Variants in TMEM132C observed in about 807,000 individuals in gnomAD.
TMEM132C encodes protein phosphatase 1, regulatory subunit 152.
In TMEM132C, 29 loss-of-function variants were observed where a neutral mutation model predicts 61.4. The observed-to-expected ratio is 0.47, with a 90% CI of 0.35 to 0.64. The LOEUF is 0.64. TMEM132C is among the 30% of genes least tolerant of loss of function. The pLI is 0.00. For missense variants in TMEM132C, 1,408 were observed against 1,476.9 expected, an observed-to-expected ratio of 0.95 and a Z score of 0.76; for synonymous variants, 656 against 633.1, an observed-to-expected ratio of 1.04 and a Z score of -0.54.
intron 4 of TMEM132C, among the ~76,000 whole-genome samples, chr12:128,664,011 CGCATACACACAG>C (rs1381272375): frequency 5.4e-5 from 8 of 147,298 alleles, no homozygotes; most frequent in African/African-American, 2.0e-4. Flanking sequence ...CAGGCACACA[CGCATACACACAG>C]GCACACGCAC....
At chr12:128,659,843 T>C (rs1954367544) in intron 4 of TMEM132C, among the ~76,000 whole-genome samples, 2 of 152,214 alleles carry the variant, frequency 1.3e-5, no homozygotes, top group Non-Finnish European at 2.9e-5. Flanking sequence ...AGACAGGCCC[T>C]CAGGGCCACT....
At chr12:128,623,637 T>G (rs1216740297) in intron 4 of TMEM132C, among the ~76,000 whole-genome samples, 1 of 151,786 alleles carries the variant, frequency 6.6e-6, no homozygotes, top group Non-Finnish European at 1.5e-5. Context: ...TGAAACCCCA[T>G]CTCTACTAAA....
At position 128,706,393 on chromosome 12, in the gene TMEM132C, G is replaced by T; in HGVS notation, c.*98G>T. The T allele has an allele frequency of 7.2e-7, 1 of 1,396,418 alleles. No homozygotes were observed. The highest frequency in any genetic ancestry group is 1.5e-5 in the South Asian group (1 of 64,806). 86.5% of individuals were successfully genotyped at this position (1,396,418 alleles called of 1,614,324 possible). A position where few individuals can be genotyped will look rare whatever the true frequency, so the allele number is the denominator to read the frequency against. ...GTTGTCAGTGGGGTTAAGAAGGGAC[G>T]GTCCCAGGGTCCATGCTAGACCAGT... On this transcript the variant is annotated 3_prime_UTR_variant, in exon 9 of 9. Coordinates refer to ENST00000435159, the MANE Select transcript of TMEM132C (RefSeq NM_001136103.3).
chr12:128,634,759 A>T (rs1019728738), intron 4 of TMEM132C, among the ~76,000 whole-genome samples: 1 of 152,206 alleles, frequency 6.6e-6, no homozygotes, highest in African/African-American at 2.4e-5. Context: ...TCATTCCTTC[A>T]TTAGTTTTTC....
intron 3 of TMEM132C, among the ~76,000 whole-genome samples, chr12:128,566,998 T>C (rs1874725753): frequency 6.6e-6 from 1 of 152,212 alleles, no homozygotes; most frequent in Admixed American, 6.5e-5. Flanking sequence ...TGTGTTGCTT[T>C]TAGATGTTTC....
chr12:128,539,611 C>G (rs1873664447), intron 2 of TMEM132C, among the ~76,000 whole-genome samples: 1 of 152,120 alleles, frequency 6.6e-6, no homozygotes, highest in South Asian at 2.1e-4. Context: ...GAGCAAGACT[C>G]TGTCTCAAAA....
At chr12:128,423,344 A>T (rs1424893256) in intron 2 of TMEM132C, among the ~76,000 whole-genome samples, 2 of 152,112 alleles carry the variant, frequency 1.3e-5, no homozygotes, top group Non-Finnish European at 2.9e-5. Flanking sequence ...CAGTCATTTT[A>T]TCAGTCACTA....
chr12:128,525,915 T>C (rs1873070344), intron 2 of TMEM132C, among the ~76,000 whole-genome samples: 2 of 152,170 alleles, frequency 1.3e-5, no homozygotes, highest in Non-Finnish European at 2.9e-5. Flanking sequence ...CCTTGCCTTA[T>C]AGAGCTCACA....
rs1479701943 is a variant in TMEM132C, at chr12:128,326,949, G to C, written c.85+59462G>C. Among the ~76,000 whole-genome samples the C allele has an allele frequency of 1.3e-5, 2 of 149,928 alleles. No homozygotes were observed. The highest frequency in any genetic ancestry group is 1.5e-5 in the Non-Finnish European group (1 of 68,030). The stretch of plus-strand genomic sequence containing the variant: ...GCCGTGTCGTAGGGGGAAAATGTTA[G>C]AACGACTATTTAAGTAAAATTTACT... On this transcript the variant is annotated intron_variant, in intron 1 of 8. Transcript: ENST00000435159. This position sits in a 1 kb window ranked among gnomAD's most constrained non-coding sequence, Gnocchi z 5.6.
intron 1 of TMEM132C, among the ~76,000 whole-genome samples, chr12:128,275,956 G>A (rs1218970131): frequency 6.6e-6 from 1 of 152,070 alleles, no homozygotes; most frequent in Admixed American, 6.6e-5. Context: ...TTGGCTTGTG[G>A]CAGCATCACA....
rs1353647963 is a variant in TMEM132C at position 128,290,101 on chromosome 12, C to G, written c.85+22614C>G. On this transcript the variant is annotated intron_variant, in intron 1 of 8. Coordinates refer to ENST00000435159, the MANE Select transcript of TMEM132C (RefSeq NM_001136103.3). ...TTCTGAAAGGCTGGATCCAAAGGTG[C>G]AGAAAGGAACATTATTTCCTACCAT... Among the ~76,000 whole-genome samples the G allele has an allele frequency of 2.0e-5, 3 of 152,118 alleles. No individual in the cohort carries two copies. The East Asian group carries it at 5.8e-4, about 29-fold the overall frequency.
rs953908500 is a variant in TMEM132C at position 128,282,045 on chromosome 12, G to A, written c.85+14558G>A. Among the ~76,000 whole-genome samples, 3 of 152,136 alleles carry A rather than the reference G, an allele frequency of 2.0e-5. No individual in the cohort carries two copies. In the South Asian group the frequency reaches 6.2e-4, roughly 31 times the overall value. ...TAGTGGAAAATGGCTGGAGTTTTTT[G>A]TTGTTTTTATGTTTAAACAAGCTCA... On this transcript the variant is annotated intron_variant, in intron 1 of 8. Coordinates refer to ENST00000435159, the MANE Select transcript of TMEM132C (RefSeq NM_001136103.3).
intron 1 of TMEM132C, among the ~76,000 whole-genome samples, chr12:128,329,334 G>A (rs779683349): frequency 1.3e-5 from 2 of 152,030 alleles, no homozygotes; most frequent in African/African-American, 2.4e-5. Flanking sequence ...AACTCTGTCC[G>A]GGAGTGGGGA....
chr12:128,500,304 A>G (rs1172103422), intron 2 of TMEM132C, among the ~76,000 whole-genome samples: 1 of 152,220 alleles, frequency 6.6e-6, no homozygotes, highest in Non-Finnish European at 1.5e-5. Context: ...GGTTTCTTAC[A>G]ACTCTAAAAG....
intron 3 of TMEM132C, among the ~76,000 whole-genome samples, chr12:128,612,301 G>C (rs1323826087): frequency 2.0e-5 from 3 of 152,158 alleles, no homozygotes; most frequent in Non-Finnish European, 4.4e-5. Flanking sequence ...CCAGGCCCCT[G>C]CCCCCAGTGC....
At chr12:128,327,660 G>T (rs1872568098) in intron 1 of TMEM132C, among the ~76,000 whole-genome samples, 1 of 152,158 alleles carries the variant, frequency 6.6e-6, no homozygotes, top group Admixed American at 6.5e-5. Flanking sequence ...TGGGATTACA[G>T]GCGTGAGCCA....
chr12:128,419,074 C>T (rs532209493), intron 2 of TMEM132C, among the ~76,000 whole-genome samples: 1 of 152,266 alleles, frequency 6.6e-6, no homozygotes, highest in South Asian at 2.1e-4. Context: ...GGCAACACTT[C>T]CTGCCCAAGT....
intron 2 of TMEM132C, among the ~76,000 whole-genome samples, chr12:128,465,663 C>T (rs376430564): frequency 6.6e-6 from 1 of 152,236 alleles, no homozygotes; most frequent in Non-Finnish European, 1.5e-5. Flanking sequence ...ACCCTGAACC[C>T]AGGCCTGCCC....
chr12:128,363,534 A>G (rs1358676908), intron 1 of TMEM132C, among the ~76,000 whole-genome samples: 1 of 152,126 alleles, frequency 6.6e-6, no homozygotes, highest in African/African-American at 2.4e-5. Flanking sequence ...TGCCCTGCAC[A>G]GGGGAGACGG....
Sources: allele counts gnomAD v4.1 joint callset (sites outside exome capture counted in the v4.1 genomes callset), GRCh38; gene constraint gnomAD v4.1.1; non-coding constraint Gnocchi (gnomAD v3.1); transcripts MANE v1.5; gene names NCBI Gene and HGNC (gene_info 2026-07-23, HGNC 2026-07-21).